KLF15: variants seen among roughly 807,000 people sequenced by gnomAD.
KLF15 encodes Krueppel-like factor 15.
A neutral mutation model predicts 24.6 loss-of-function variants in KLF15; 4 were observed. The observed-to-expected ratio is 0.16, with a 90% CI of 0.08 to 0.37. KLF15 has a LOEUF of 0.37. KLF15 is among the 10% of genes least tolerant of loss of function. The pLI is 1.00. For missense variants in KLF15, 496 were observed against 560.6 expected (o/e 0.88, Z 1.16); for synonymous variants, 246 against 236.3 (o/e 1.04, Z -0.37).
the KLF15 span, among the ~76,000 whole-genome samples, chr3:126,329,765 A>C: frequency 6.6e-6 from 1 of 151,936 alleles, no homozygotes; most frequent in African/African-American, 2.4e-5. Flanking sequence ...TACAGAAAAA[A>C]AAAAAAAAAA....
the KLF15 span, among the ~76,000 whole-genome samples, chr3:126,310,901 C>T: frequency 6.6e-6 from 1 of 152,206 alleles, no homozygotes; most frequent in African/African-American, 2.4e-5. Context: ...TCAAGCCCCG[C>T]TGTGGGCTAG....
the KLF15 span, among the ~76,000 whole-genome samples, chr3:126,317,872 C>T: frequency 3.3e-4 from 51 of 152,288 alleles, 1 homozygote; most frequent in Admixed American, 8.5e-4. Context: ...GTCCCTCGGT[C>T]GGATTCTTCT....
the KLF15 span, among the ~76,000 whole-genome samples, chr3:126,334,182 C>G: frequency 6.6e-6 from 1 of 152,130 alleles, no homozygotes; most frequent in Non-Finnish European, 1.5e-5. Flanking sequence ...GCAAAGCTCT[C>G]CTCAGCAAAT....
chr3:126,312,021 T>G, the KLF15 span, among the ~76,000 whole-genome samples: 1 of 152,162 alleles, frequency 6.6e-6, no homozygotes, highest in Non-Finnish European at 1.5e-5. Flanking sequence ...CCTGGCTGAT[T>G]TGGCTGACCA....
chr3:126,298,741 GTTT>G, the KLF15 span, among the ~76,000 whole-genome samples: 1 of 152,074 alleles, frequency 6.6e-6, no homozygotes. Context: ...CTCACTTTAT[GTTT>G]TTGTATGCAT....
At chr3:126,350,969 G>T (rs1320753923) in intron 2 of KLF15, among the ~76,000 whole-genome samples, 1 of 152,254 alleles carries the variant, frequency 6.6e-6, no homozygotes, top group Non-Finnish European at 1.5e-5. Context: ...ATCAGGAACT[G>T]CAGAGGGCTG....
chr3:126,337,930 C>T (rs7619824), downstream of KLF15, among the ~76,000 whole-genome samples: 9,325 of 152,052 alleles, frequency 0.061, 975 homozygotes, highest in African/African-American at 0.21. Context: ...AAAGCAAGTC[C>T]CTGGGTGCCT....
At chr3:126,355,749 G>T (rs1340548946) in intron 1 of KLF15, among the ~76,000 whole-genome samples, 1 of 152,232 alleles carries the variant, frequency 6.6e-6, no homozygotes, top group Non-Finnish European at 1.5e-5. Flanking sequence ...GGGGGAGAGC[G>T]GGGGAGGTCG....
At chr3:126,288,739 C>T in the KLF15 span, 7 of 152,268 alleles carry the variant, frequency 4.6e-5, no homozygotes, top group Admixed American at 4.6e-4. Context: ...CAGCCCCACG[C>T]TTCACCCCAA....
the KLF15 span, among the ~76,000 whole-genome samples, chr3:126,315,799 C>T: frequency 1.3e-5 from 2 of 152,192 alleles, no homozygotes; most frequent in East Asian, 3.9e-4. Flanking sequence ...TCCTCTCCTG[C>T]ACCTCCCTGG....
At chr3:126,354,261 G>A (rs1293165383) in intron 1 of KLF15, 6 of 152,334 alleles carry the variant, frequency 3.9e-5, no homozygotes, top group Non-Finnish European at 8.8e-5. Context: ...CAGTGACCAG[G>A]GCAGGCTGGG....
chr3:126,323,287 T>C, the KLF15 span, among the ~76,000 whole-genome samples: 2 of 148,650 alleles, frequency 1.3e-5, no homozygotes, highest in African/African-American at 2.5e-5. Flanking sequence ...CACATAATTA[T>C]ATACTTAATT....
chr3:126,352,923 G>T lies in KLF15; in HGVS notation c.-1C>A. 1 of 1,598,640 alleles carries T rather than the reference G, an allele frequency of 6.3e-7. No homozygotes were observed. Among genetic ancestry groups the T allele is most frequent in the Non-Finnish European group, 8.5e-7 (1 of 1,171,712 alleles). ...CCACTGGAAGTAAGTGGTCCACCAT[G>T]CTGGCCTGGCCGTGCCGGTGGCGGC... On this transcript the variant is annotated 5_prime_UTR_variant, in exon 2 of 3. Coordinates refer to ENST00000296233, the MANE Select transcript of KLF15 (RefSeq NM_014079.4).
chr3:126,314,011 C>T, the KLF15 span, among the ~76,000 whole-genome samples: 1 of 152,224 alleles, frequency 6.6e-6, no homozygotes, highest in Non-Finnish European at 1.5e-5. Flanking sequence ...GCTGCAACAG[C>T]AGTTGATGAG....
chr3:126,341,493 A>G (rs533612249), downstream of KLF15, among the ~76,000 whole-genome samples: 1 of 152,226 alleles, frequency 6.6e-6, no homozygotes, highest in Non-Finnish European at 1.5e-5. Context: ...CTGGAAATCA[A>G]TGCCTTGCTT....
chr3:126,316,455 T>A, the KLF15 span, among the ~76,000 whole-genome samples: 823 of 23,404 alleles, frequency 0.035, 5 homozygotes, highest in Middle Eastern at 0.13. Flanking sequence ...GGGAAGGGAG[T>A]CTATGGGCCG....
intron 2 of KLF15, among the ~76,000 whole-genome samples, chr3:126,350,213 TC>T (rs2082571820): frequency 6.6e-6 from 1 of 152,148 alleles, no homozygotes; most frequent in African/African-American, 2.4e-5. Context: ...TCCTCTAACC[TC>T]CTATGCAGTG....
At chr3:126,340,278 TGA>T (rs1265540694), downstream of KLF15, among the ~76,000 whole-genome samples, 3 of 152,226 alleles carry the variant, frequency 2.0e-5, no homozygotes, top group Admixed American at 6.5e-5. Context: ...TGGATGAGGC[TGA>T]GTTACTGAGT....
the KLF15 span, among the ~76,000 whole-genome samples, chr3:126,324,945 G>T: frequency 0.019 from 1,799 of 96,016 alleles, 51 homozygotes; most frequent in African/African-American, 0.065. Context: ...ATCTCCCAAT[G>T]CTATCCCTCC....
Sources: gnomAD v4.1 joint callset for allele counts (sites outside exome capture counted in the v4.1 genomes callset) on GRCh38, gnomAD v4.1.1 for gene constraint, MANE v1.5 for transcripts, NCBI Gene and HGNC (gene_info 2026-07-23, HGNC 2026-07-21) for gene names.